The following GANC variants were observed in gnomAD, a reference collection of about 807,000 sequenced individuals.
GANC encodes the protein glucosidase alpha, neutral C.
A neutral mutation model predicts 124.2 loss-of-function variants in GANC; 117 were observed. That is an observed-to-expected ratio of 0.94 (90% confidence interval 0.81 to 1.10). The LOEUF is 1.10. Ranked by LOEUF, GANC falls within the 50% of genes least tolerant of loss-of-function variation. The pLI is 0.00. For missense variants in GANC, 1,140 were observed against 1,095.0 expected (o/e 1.04, Z -0.58); for synonymous variants, 377 against 376.8 (o/e 1.00, Z -0.01).
intron 15 of GANC, among the ~76,000 whole-genome samples, chr15:42,330,951 C>G (rs1033264923): frequency 1.3e-5 from 2 of 151,942 alleles, no homozygotes. Context: ...CCACACCCAG[C>G]TAATTTATAT....
At chr15:42,306,727 C>G in intron 7 of GANC, 115 bp downstream of exon 7, 1 of 626,956 alleles carries the variant, frequency 1.6e-6, no homozygotes, top group Admixed American at 3.0e-5. Flanking sequence ...AACAGAAGAA[C>G]AGAAATCCCA....
chr15:42,316,730 T>C lies in GANC; in HGVS notation c.1058-5055T>C, dbSNP rs1013153868. On this transcript the variant is annotated intron_variant, in intron 10 of 23. Coordinates refer to ENST00000318010, the MANE Select transcript of GANC (RefSeq NM_198141.3). Reference sequence around the variant, plus strand: ...CCCACAGGAAGCTGGTGGAGCAGAGTGTTCCCTAACTCCTCCAAGGAAAGG... The same window carrying C: ...CCCACAGGAAGCTGGTGGAGCAGAGCGTTCCCTAACTCCTCCAAGGAAAGG... 2.6e-5 allele frequency among the ~76,000 whole-genome samples: 4 copies of C among 152,056 alleles called. No individual in the cohort carries two copies. The East Asian group carries it at 5.8e-4, about 22-fold the overall frequency.
rs754771790 is a variant in GANC, at chr15:42,348,173, T to A, written c.2375T>A (p.Met792Lys). The change falls in exon 21 of 24, where the codon ATG (methionine) becomes AAG (lysine). Residue 792 changes from methionine (M) to lysine (K), a missense_variant. Physicochemically the swap from Met to Lys is moderately conservative, Grantham distance 95. Transcript: ENST00000318010. ...KTTVGKSTGW[M>K]TESSYGLRVA... The stretch of plus-strand genomic sequence containing the variant: ...ACTGTAGGAAAATCCACAGGCTGGA[T>A]GACTGAATCCTCCTATGGACTCCGG... 6.2e-7 allele frequency: 1 copy of A among 1,612,876 alleles called. No individual in the cohort carries two copies. The highest frequency in any genetic ancestry group is 8.5e-7 in the Non-Finnish European group (1 of 1,179,606).
At chr15:42,347,676 A>G (rs1566962617) in intron 20 of GANC, among the ~76,000 whole-genome samples, 1 of 152,146 alleles carries the variant, frequency 6.6e-6, no homozygotes, top group East Asian at 1.9e-4. Context: ...ACACACATAC[A>G]CAGACTTCTG....
At chr15:42,346,283 G>A (rs1291322972) in intron 20 of GANC, among the ~76,000 whole-genome samples, 2 of 152,162 alleles carry the variant, frequency 1.3e-5, no homozygotes, top group African/African-American at 4.8e-5. Context: ...AAGGATGCTA[G>A]TGTTCTGCAC....
In GANC at chr15:42,310,698, A is replaced by G. The variant is rs111569626; in HGVS notation, c.909A>G (p.Thr303=). ...TTATTCCATTCTTTTTCCAGTACAC[A>G]CTGACCCAGATGGGCCCAGTTGCTG... ...EINTEPAVEY[T]LTQMGPVAAK... The change falls in exon 10 of 24, where the codon ACA becomes ACG. Residue 303 remains threonine (T), a synonymous_variant. Transcript: ENST00000318010. The G allele has an allele frequency of 5.6e-6, 9 of 1,609,870 alleles. No homozygotes were observed. In the African/African-American group the frequency reaches 6.7e-5, roughly 12 times the overall value.
intron 3 of GANC, among the ~76,000 whole-genome samples, 198 bp from the exon 4 acceptor site, chr15:42,287,493 A>G (rs532954396): frequency 6.6e-6 from 1 of 152,060 alleles, no homozygotes; most frequent in Non-Finnish European, 1.5e-5. Context: ...CATAGGAGAT[A>G]TTTCTTGTTG....
rs185627954 is a variant in GANC at position 42,274,756 on chromosome 15, G to A, written c.29+246G>A. Among the ~76,000 whole-genome samples the A allele has an allele frequency of 1.1e-4, 17 of 151,476 alleles. No individual in the cohort carries two copies. The East Asian group carries it at 3.0e-3, about 26-fold the overall frequency. ...TTTGGGAGGCTAAGGTGGGAGGATC[G>A]CTTGAGTTCAGGAGTTCGAGACCCC... is the stretch of plus-strand genomic sequence containing the variant. On this transcript the variant is annotated intron_variant, in intron 1 of 23. Transcript: ENST00000318010.
chr15:42,327,248 C>T (rs9972331), intron 12 of GANC, 115 bp from the exon 13 acceptor site: 61,103 of 702,182 alleles, frequency 0.087, 3,280 homozygotes, highest in South Asian at 0.19. Context: ...AGCCAACTTT[C>T]GTGTTTATGT....
At position 42,320,053 on chromosome 15, in the gene GANC, A is replaced by C. The variant is rs545423164; in HGVS notation, c.1058-1732A>C. ...ACAAAAATTAGCTGGGCATGGTGGC[A>C]TGCACCTGTAGTCCCAGCTACTCGG... On this transcript the variant is annotated intron_variant, in intron 10 of 23. Coordinates refer to ENST00000318010, the MANE Select transcript of GANC (RefSeq NM_198141.3). Among the ~76,000 whole-genome samples the C allele has an allele frequency of 2.1e-4, 32 of 152,230 alleles. 1 individual carries two copies. The South Asian group carries it at 6.4e-3, about 31-fold the overall frequency.
chr15:42,304,658 A>G (rs1347901022), intron 6 of GANC, among the ~76,000 whole-genome samples: 2 of 152,216 alleles, frequency 1.3e-5, no homozygotes, highest in African/African-American at 4.8e-5. Context: ...TATAGCCAAG[A>G]CAATCCTAAG....
intron 13 of GANC, among the ~76,000 whole-genome samples, chr15:42,328,854 C>G (rs1355714127): frequency 6.6e-6 from 1 of 152,152 alleles, no homozygotes; most frequent in Non-Finnish European, 1.5e-5. Flanking sequence ...GGTATATTGG[C>G]TGTCAAGTCT....
At chr15:42,346,102 A>G (rs2141080443) in intron 20 of GANC, among the ~76,000 whole-genome samples, 1 of 152,294 alleles carries the variant, frequency 6.6e-6, no homozygotes, top group African/African-American at 2.4e-5. Context: ...TTCTTCTTAC[A>G]AGGACACTGT....
rs868439842 is a variant in GANC, at chr15:42,273,313, G to A, written c.-1169G>A. Reference sequence around the variant, plus strand: ...GGCAGCAGCTACGGTTGCCGGTCCCGCACTGAAAAACGACAGTGGTGACGG... The same window carrying A: ...GGCAGCAGCTACGGTTGCCGGTCCCACACTGAAAAACGACAGTGGTGACGG... On this transcript the variant is annotated 5_prime_UTR_variant, in exon 1 of 24. Transcript: ENST00000318010. The A allele has an allele frequency of 4.3e-6, 7 of 1,614,034 alleles. No individual in the cohort carries two copies. The African/African-American group carries it at 6.7e-5, about 15-fold the overall frequency.
intron 15 of GANC, among the ~76,000 whole-genome samples, chr15:42,335,513 T>G (rs1595782183): frequency 6.6e-6 from 1 of 152,160 alleles, no homozygotes; most frequent in Non-Finnish European, 1.5e-5. Flanking sequence ...CACATCATAC[T>G]AAATGGGCAA....
intron 10 of GANC, chr15:42,314,207 A>G: frequency 2.7e-6 from 2 of 753,398 alleles, no homozygotes; most frequent in Middle Eastern, 2.3e-4. Context: ...ATTCCCCACA[A>G]GGAGTTCCTC....
intron 13 of GANC, among the ~76,000 whole-genome samples, chr15:42,328,737 C>T (rs1048404364): frequency 6.6e-6 from 1 of 152,178 alleles, no homozygotes; most frequent in African/African-American, 2.4e-5. Context: ...CTAGAAAAGA[C>T]CAGGGATTCT....
chr15:42,329,092 C>T (rs1260422802), intron 13 of GANC, among the ~76,000 whole-genome samples: 1 of 152,194 alleles, frequency 6.6e-6, no homozygotes, highest in African/African-American at 2.4e-5. Context: ...TTATTGAGAT[C>T]TGTCTATGGG....
At chr15:42,338,285 T>G (rs2052299392) in intron 15 of GANC, 104 bp from the exon 16 acceptor site, 6 of 626,390 alleles carry the variant, frequency 9.6e-6, no homozygotes, top group Non-Finnish European at 1.6e-5. Context: ...AAGAAATTGG[T>G]TTTCCTTTTC....
Sources: gnomAD v4.1 joint callset for allele counts (sites outside exome capture counted in the v4.1 genomes callset) on GRCh38, gnomAD v4.1.1 for gene constraint, MANE v1.5 for transcripts, NCBI Gene and HGNC (gene_info 2026-07-23, HGNC 2026-07-21) for gene names.